LATS1: variants seen among roughly 807,000 people sequenced by gnomAD.
LATS1 encodes the protein serine/threonine-protein kinase LATS1.
In LATS1, 25 loss-of-function variants were observed where a neutral mutation model predicts 106.6. The ratio of observed to expected loss-of-function variants is 0.23; its 90% CI spans 0.17 to 0.33. The LOEUF is 0.33. Among genes scored for constraint, LATS1 ranks in the 10% least tolerant of loss-of-function variants. The probability of loss-of-function intolerance (pLI) is 1.00; values close to 1 mark genes in which losing one functional copy is unlikely to be tolerated. For missense variants in LATS1, 1,040 were observed against 1,382.6 expected (o/e 0.75, Z 3.93); for synonymous variants, 465 against 455.6 (o/e 1.02, Z -0.26).
At position 149,684,472 on chromosome 6, in the gene LATS1, T is replaced by C; in HGVS notation, c.617A>G (p.Asn206Ser). ...AGGTCTTCCTACATCTGTCTGTGAGTTGGGACTCTCAGAATGATAGGCCAC... is the reference window on the plus strand; with the variant it reads ...AGGTCTTCCTACATCTGTCTGTGAGCTGGGACTCTCAGAATGATAGGCCAC... Reference protein sequence around the residue: ...ESVAYHSESPNSQTDVGRPLS... With the variant: ...ESVAYHSESPSSQTDVGRPLS... Residue 206 changes from asparagine (N) to serine (S), a missense_variant, in exon 4 of 8, where the codon AAC becomes AGC. Physicochemically the swap from Asn to Ser is conservative, Grantham distance 46 (BLOSUM62 1). Around this residue, in one of 7 missense-constraint regions of LATS1, gnomAD observed 624 missense variants for 714.8 expected, o/e 0.87. Transcript: ENST00000543571. The C allele has an allele frequency of 6.2e-7, 1 of 1,614,122 alleles. No individual in the cohort carries two copies. Among genetic ancestry groups the C allele is most frequent in the South Asian group, 1.1e-5 (1 of 91,078 alleles).
intron 3 of LATS1, among the ~76,000 whole-genome samples, chr6:149,687,263 G>A (rs1337676598): frequency 6.6e-6 from 1 of 151,732 alleles, no homozygotes; most frequent in Non-Finnish European, 1.5e-5. Context: ...GCTAATTTTT[G>A]TATTTTCAGT....
At chr6:149,681,399 C>T (rs1782027380) in intron 4 of LATS1, among the ~76,000 whole-genome samples, 1 of 152,206 alleles carries the variant, frequency 6.6e-6, no homozygotes, top group African/African-American at 2.4e-5. Context: ...CATGCAAAAT[C>T]TTTTAAGAAG....
At chr6:149,679,819 A>G in intron 5 of LATS1, 56 bp downstream of exon 5, 1 of 1,248,010 alleles carries the variant, frequency 8.0e-7, no homozygotes, top group Non-Finnish European at 1.1e-6. Context: ...ATTTTACTAC[A>G]TCAATAAATT....
chr6:149,664,956 G>A (rs1274693749), intron 7 of LATS1, among the ~76,000 whole-genome samples: 1 of 152,136 alleles, frequency 6.6e-6, no homozygotes, highest in Non-Finnish European at 1.5e-5. Context: ...CTCTAGTTCA[G>A]GCTCAGGGAG....
intron 7 of LATS1, among the ~76,000 whole-genome samples, chr6:149,664,090 G>GT (rs1781020033): frequency 6.6e-6 from 1 of 151,542 alleles, no homozygotes; most frequent in East Asian, 1.9e-4. Flanking sequence ...AATTACAGGC[G>GT]TGAGTCACTG....
intron 7 of LATS1, among the ~76,000 whole-genome samples, chr6:149,668,608 AT>A (rs35989414): frequency 0.45 from 63,758 of 141,742 alleles, 14,780 homozygotes; most frequent in East Asian, 0.81. Flanking sequence ...ATGCCCAGCT[AT>A]TTTTTTTTTT....
At chr6:149,692,600 G>C (rs1782822731) in intron 3 of LATS1, among the ~76,000 whole-genome samples, 1 of 152,000 alleles carries the variant, frequency 6.6e-6, no homozygotes, top group African/African-American at 2.4e-5. Flanking sequence ...CTGAAACAGT[G>C]GTTGACCAAT....
At chr6:149,701,700 T>A (rs1783469265) in intron 2 of LATS1, 79 bp downstream of exon 2, 1 of 987,756 alleles carries the variant, frequency 1.0e-6, no homozygotes, top group Non-Finnish European at 1.5e-6. Flanking sequence ...AAGGAAACAT[T>A]TTGGCATGTT....
rs1781726907 is a variant in LATS1, at chr6:149,676,427, C to T, written c.2777-61G>A. 10 of 1,373,142 alleles carry T rather than the reference C, an allele frequency of 7.3e-6. No individual in the cohort carries two copies. The South Asian group carries it at 1.1e-4, about 16-fold the overall frequency. The allele number at this position is 1,373,142 out of a possible 1,614,324, so 85.1% of individuals were successfully genotyped here. ...ATGCTCAGAATACAATAAAAATTAA[C>T]ATTAAATCACCAATTTATACTTTAA... On this transcript the variant is annotated intron_variant, in intron 6 of 7. Coordinates refer to ENST00000543571, the MANE Select transcript of LATS1 (RefSeq NM_004690.4).
intron 2 of LATS1, among the ~76,000 whole-genome samples, chr6:149,700,845 G>A (rs1186013400): frequency 2.0e-5 from 3 of 152,168 alleles, no homozygotes; most frequent in Non-Finnish European, 1.5e-5. Flanking sequence ...GTGCAATGGC[G>A]CGATCTCGGC....
chr6:149,683,686 G>A lies in LATS1; in HGVS notation c.1403C>T (p.Pro468Leu). 6.2e-7 allele frequency: 1 copy of A among 1,614,144 alleles called. No homozygotes were observed. The highest frequency in any genetic ancestry group is 8.5e-7 in the Non-Finnish European group (1 of 1,180,014). Residue 468 changes from proline to leucine, a missense_variant, in exon 4 of 8, where the codon CCA becomes CTA. By Grantham distance (98) the Pro-to-Leu change is moderately conservative (BLOSUM62 -3). Transcript: ENST00000543571. ...AGAGTGACTTGCTCTATTTCCTAATGGGTTATTAAAAGAATTTGACCTCAC... is the reference window on the plus strand; with the variant it reads ...AGAGTGACTTGCTCTATTTCCTAATAGGTTATTAAAAGAATTTGACCTCAC... ...IPVRSNSFNNPLGNRASHSAN... is the reference protein window; with the variant it reads ...IPVRSNSFNNLLGNRASHSAN...
rs1582828285 is a variant in LATS1 at position 149,659,369 on chromosome 6, A to G, written c.*2360T>C. On this transcript the variant is annotated 3_prime_UTR_variant, in exon 8 of 8. Transcript: ENST00000543571. ...CAGCTACTTGGGAGGCTGAGGCGGG[A>G]GGACTGCGTGAGCCCCCAAGGTTGA... is the stretch of plus-strand genomic sequence containing the variant. 5.0e-6 allele frequency: 1 copy of G among 201,356 alleles called. No individual in the cohort carries two copies. 12.5% of individuals were successfully genotyped at this position (201,356 alleles called of 1,614,324 possible).
chr6:149,706,000 A>G (rs1391179653), intron 1 of LATS1, among the ~76,000 whole-genome samples: 3 of 151,538 alleles, frequency 2.0e-5, no homozygotes, highest in Non-Finnish European at 2.9e-5. Flanking sequence ...CCTGACCAAC[A>G]TGGAGAAACC....
At chr6:149,674,754 G>A (rs1008354297) in intron 7 of LATS1, among the ~76,000 whole-genome samples, 1 of 151,170 alleles carries the variant, frequency 6.6e-6, no homozygotes, top group Non-Finnish European at 1.5e-5. Context: ...GCAAAACCCT[G>A]TATCTACAAA....
At chr6:149,705,343 C>G (rs1056033551) in intron 1 of LATS1, among the ~76,000 whole-genome samples, 3 of 152,240 alleles carry the variant, frequency 2.0e-5, no homozygotes, top group African/African-American at 7.2e-5. Context: ...GAATTCACCT[C>G]TGGCCCTTTC....
intron 2 of LATS1, 150 bp from the exon 3 acceptor site, chr6:149,695,371 C>A: frequency 1.8e-6 from 1 of 562,308 alleles, no homozygotes; most frequent in Non-Finnish European, 3.0e-6. Context: ...TTTGTAGCTA[C>A]TAAAAACCCC....
At chr6:149,663,230 C>A (rs1780969244) in intron 7 of LATS1, among the ~76,000 whole-genome samples, 1 of 152,140 alleles carries the variant, frequency 6.6e-6, no homozygotes, top group African/African-American at 2.4e-5. Context: ...CACCTGTAAT[C>A]CTAGCACTTT....
rs561163514 is a variant in LATS1 at position 149,700,037 on chromosome 6, C to T, written c.348+1742G>A. 3.1e-4 allele frequency among the ~76,000 whole-genome samples: 47 copies of T among 152,304 alleles called. No individual in the cohort carries two copies. The South Asian group carries it at 8.9e-3, about 29-fold the overall frequency. ...ATTTCTTTAATCCTCCAAATACTAACGAGAAAAACATTATCCCAGGTCCTT... is the reference window on the plus strand; with the variant it reads ...ATTTCTTTAATCCTCCAAATACTAATGAGAAAAACATTATCCCAGGTCCTT... On this transcript the variant is annotated intron_variant, in intron 2 of 7. Transcript: ENST00000543571.
chr6:149,686,671 T>C (rs762125441), intron 3 of LATS1, among the ~76,000 whole-genome samples: 7 of 152,192 alleles, frequency 4.6e-5, no homozygotes, highest in Non-Finnish European at 8.8e-5. Flanking sequence ...TTCTTACAGG[T>C]TGATATTATT....
Sources: allele counts gnomAD v4.1 joint callset (sites outside exome capture counted in the v4.1 genomes callset), GRCh38; gene constraint gnomAD v4.1.1; regional missense constraint gnomAD v4.1.1; transcripts MANE v1.5; gene names NCBI Gene and HGNC (gene_info 2026-07-23, HGNC 2026-07-21).